MRGPRX3: variants seen among roughly 807,000 people sequenced by gnomAD.
MRGPRX3 encodes the protein mas-related G protein-coupled receptor member X3.
Under a neutral mutation model 16.5 loss-of-function variants are expected in MRGPRX3, and 14 were observed. The ratio of observed to expected loss-of-function variants is 0.85; its 90% CI spans 0.56 to 1.33. The LOEUF is 1.33. Among genes scored for constraint, MRGPRX3 ranks in the 40% most tolerant of loss-of-function variants. The pLI is 0.00. For synonymous variants in MRGPRX3, 199 were observed against 180.1 expected (o/e 1.10, Z -0.84); for missense variants, 449 against 413.0 (o/e 1.09, Z -0.76).
At chr11:18,132,953 T>C (rs569852973) in intron 1 of MRGPRX3, among the ~76,000 whole-genome samples, 1 of 152,162 alleles carries the variant, frequency 6.6e-6, no homozygotes, top group Non-Finnish European at 1.5e-5. Flanking sequence ...TATCTCCCCA[T>C]ATCACCTCCT....
upstream of MRGPRX3, among the ~76,000 whole-genome samples, chr11:18,128,984 T>C (rs1438111620): frequency 6.6e-6 from 1 of 152,240 alleles, no homozygotes; most frequent in Non-Finnish European, 1.5e-5. Flanking sequence ...TTAAAAATTC[T>C]ATAAACTGAA....
At chr11:18,131,735 G>C (rs757213269), upstream of MRGPRX3, among the ~76,000 whole-genome samples, 1 of 152,004 alleles carries the variant, frequency 6.6e-6, no homozygotes, top group Non-Finnish European at 1.5e-5. Context: ...CCATAAAAAA[G>C]AATAAAATGA....
rs201248611 is a variant in MRGPRX3 at position 18,137,545 on chromosome 11, G to A, written c.343G>A (p.Ala115Thr). 24 of 1,614,114 alleles carry A rather than the reference G, an allele frequency of 1.5e-5. No individual in the cohort carries two copies. The East Asian group carries it at 1.8e-4, about 12-fold the overall frequency. Residue 115 changes from alanine (A) to threonine (T), a missense_variant, in exon 2 of 2, where the codon GCC (alanine) becomes ACC (threonine). By Grantham distance (58) the Ala-to-Thr change is moderately conservative. Transcript: ENST00000621697. The part of the protein sequence containing the change: ...PYFIGLSMLS[A>T]ISTERCLSIL... ...CTTTATAGGCCTAAGCATGCTGAGC[G>A]CCATCAGCACCGAGCGCTGCCTGTC... is the stretch of plus-strand genomic sequence containing the variant.
intron 1 of MRGPRX3, among the ~76,000 whole-genome samples, chr11:18,123,928 G>A (rs964795388): frequency 1.6e-4 from 24 of 152,164 alleles, no homozygotes; most frequent in African/African-American, 5.1e-4. Flanking sequence ...GGATTCCTAG[G>A]TTCTTTATTC....
chr11:18,122,939 G>A (rs1848854654), intron 1 of MRGPRX3, among the ~76,000 whole-genome samples: 1 of 152,104 alleles, frequency 6.6e-6, no homozygotes. Flanking sequence ...GATGGCCAGT[G>A]ATGGTGAGCA....
At chr11:18,121,961 A>G (rs1450225317) in intron 1 of MRGPRX3, among the ~76,000 whole-genome samples, 1 of 151,448 alleles carries the variant, frequency 6.6e-6, no homozygotes, top group Non-Finnish European at 1.5e-5. Context: ...ACCCTGCCAA[A>G]TCCCTCTCTG....
intron 1 of MRGPRX3, 137 bp from the exon 2 acceptor site, chr11:18,137,041 C>T (rs1410611267): frequency 1.1e-6 from 1 of 938,958 alleles, no homozygotes; most frequent in East Asian, 2.5e-5. Flanking sequence ...AGGACCCCCA[C>T]CTTTTGATAG....
rs1849017874 is a variant in MRGPRX3 at position 18,137,357 on chromosome 11, T to C, written c.155T>C (p.Leu52Pro). 1.2e-6 allele frequency: 2 copies of C among 1,614,190 alleles called. No individual in the cohort carries two copies. The highest frequency in any genetic ancestry group is 1.3e-5 in the African/African-American group (1 of 75,044). ...LTGNAVVLWL[L>P]GCRMRRNAVS... ...GGAAACGCGGTTGTGCTCTGGCTCC[T>C]GGGCTGCCGCATGCGCAGGAACGCT... is the stretch of plus-strand genomic sequence containing the variant. Residue 52 changes from leucine (L) to proline (P), a missense_variant, in exon 2 of 2, where the codon CTG becomes CCG. Physicochemically the swap from Leu to Pro is moderately conservative, Grantham distance 98 (BLOSUM62 -3). Transcript: ENST00000621697.
intron 1 of MRGPRX3, among the ~76,000 whole-genome samples, chr11:18,127,170 G>A (rs1848907365): frequency 6.6e-6 from 1 of 152,184 alleles, no homozygotes; most frequent in Admixed American, 6.5e-5. Context: ...CCCTTTGTGG[G>A]TAACCTGACC....
At position 18,137,221 on chromosome 11, in the gene MRGPRX3, G is replaced by C; in HGVS notation, c.19G>C (p.Val7Leu). 6.2e-7 allele frequency: 1 copy of C among 1,601,098 alleles called. No homozygotes were observed. The highest frequency in any genetic ancestry group is 8.5e-7 in the Non-Finnish European group (1 of 1,171,382). Reference sequence around the variant, plus strand: ...TCTGAGCATGGATTCAACCATCCCAGTCTTGGGTACAGAACTGACACCAAT... The same window carrying C: ...TCTGAGCATGGATTCAACCATCCCACTCTTGGGTACAGAACTGACACCAAT... MDSTIP[V>L]LGTELTPING... is the part of the protein sequence containing the mutation. Residue 7 changes from valine to leucine, a missense_variant, in exon 2 of 2, where the codon GTC becomes CTC. By Grantham distance (32) the Val-to-Leu change is conservative. Transcript: ENST00000621697.
chr11:18,130,955 T>C (rs1282606929), upstream of MRGPRX3, among the ~76,000 whole-genome samples: 2 of 152,130 alleles, frequency 1.3e-5, no homozygotes, highest in Non-Finnish European at 2.9e-5. Flanking sequence ...AGTTAACAAA[T>C]GGTGCTGAGA....
chr11:18,133,485 G>A (rs1848981485), intron 1 of MRGPRX3, among the ~76,000 whole-genome samples: 1 of 152,140 alleles, frequency 6.6e-6, no homozygotes, highest in Admixed American at 6.5e-5. Flanking sequence ...TAGATCACGG[G>A]GATGGTTTTG....
At position 18,137,547 on chromosome 11, in the gene MRGPRX3, C is replaced by T. The variant is rs1380993653; in HGVS notation, c.345C>T (p.Ala115=). 4.3e-6 allele frequency: 7 copies of T among 1,614,028 alleles called. No individual in the cohort carries two copies. The Admixed American group carries it at 5.0e-5, about 12-fold the overall frequency. The part of the protein sequence containing the change: ...PYFIGLSMLS[A]ISTERCLSIL... Reference sequence around the variant, plus strand: ...TTATAGGCCTAAGCATGCTGAGCGCCATCAGCACCGAGCGCTGCCTGTCCA... The same window carrying T: ...TTATAGGCCTAAGCATGCTGAGCGCTATCAGCACCGAGCGCTGCCTGTCCA... Residue 115 remains alanine, a synonymous_variant, in exon 2 of 2, where the codon GCC becomes GCT. Coordinates refer to ENST00000621697, the MANE Select transcript of MRGPRX3 (RefSeq NM_001370464.1).
upstream of MRGPRX3, among the ~76,000 whole-genome samples, chr11:18,129,660 G>C (rs1590305026): frequency 6.6e-6 from 1 of 152,104 alleles, no homozygotes; most frequent in Non-Finnish European, 1.5e-5. Flanking sequence ...AAGAAAGAGG[G>C]AATCCTGCCT....
intron 1 of MRGPRX3, among the ~76,000 whole-genome samples, chr11:18,126,709 T>C (rs539462016): frequency 6.6e-6 from 1 of 152,274 alleles, no homozygotes; most frequent in East Asian, 1.9e-4. Flanking sequence ...TTCTCATTGT[T>C]CAATTCCCAC....
At chr11:18,127,990 G>T (rs979721220), upstream of MRGPRX3, among the ~76,000 whole-genome samples, 1 of 152,194 alleles carries the variant, frequency 6.6e-6, no homozygotes, top group African/African-American at 2.4e-5. Context: ...CCTTCTAACA[G>T]TCAGGACCCT....
upstream of MRGPRX3, chr11:18,132,504 T>G (rs1848971081): frequency 6.6e-6 from 1 of 152,224 alleles, no homozygotes; most frequent in South Asian, 2.1e-4. Flanking sequence ...AGTTAGGATT[T>G]GTGTCTCAAA....
intron 1 of MRGPRX3, among the ~76,000 whole-genome samples, chr11:18,136,319 C>CA (rs1849007249): frequency 1.3e-5 from 2 of 152,326 alleles, no homozygotes; most frequent in East Asian, 1.9e-4. Flanking sequence ...ACACCCTACC[C>CA]AAACACTGTG....
intron 1 of MRGPRX3, among the ~76,000 whole-genome samples, chr11:18,133,323 G>T (rs1465387594): frequency 6.6e-6 from 1 of 152,168 alleles, no homozygotes; most frequent in African/African-American, 2.4e-5. Context: ...TAGCCATAAG[G>T]GTGGGAGAGC....
Sources: allele counts gnomAD v4.1 joint callset (sites outside exome capture counted in the v4.1 genomes callset), GRCh38; gene constraint gnomAD v4.1.1; transcripts MANE v1.5; gene names NCBI Gene and HGNC (gene_info 2026-07-23, HGNC 2026-07-21).